SUN2: variants seen among roughly 807,000 people sequenced by gnomAD.
SUN2 encodes the protein Sad1 and UNC84 domain containing 2.
SUN2 carries 60 observed loss-of-function variants against 100.0 expected under a neutral mutation model. That is an observed-to-expected ratio of 0.60 (90% CI 0.49 to 0.74). The LOEUF is 0.74. Ranked by LOEUF, SUN2 falls within the 30% of genes least tolerant of loss-of-function variation. SUN2 has a pLI of 0.00. For missense variants in SUN2, 834 were observed against 954.6 expected (o/e 0.87, Z 1.66); for synonymous variants, 367 against 403.3 (o/e 0.91, Z 1.08).
At chr22:38,750,500 G>A in intron 4 of SUN2, 180 bp from the exon 5 acceptor site, 1 of 1,351,740 alleles carries the variant, frequency 7.4e-7, no homozygotes, top group Non-Finnish European at 1.0e-6. Flanking sequence ...TCTTCTGACA[G>A]CTTCCTGTTT....
chr22:38,736,372 C>T lies in SUN2; in HGVS notation c.2049G>A (p.Thr683=), dbSNP rs762525284. 1.3e-5 allele frequency: 21 copies of T among 1,613,206 alleles called. No individual in the cohort carries two copies. Among genetic ancestry groups the T allele is most frequent in the Middle Eastern group, 1.7e-4 (1 of 6,052 alleles). The change falls in exon 18 of 18, where the codon ACG becomes ACA. Residue 683 remains threonine, a synonymous_variant. Coordinates refer to ENST00000689035, the MANE Select transcript of SUN2 (RefSeq NM_015374.3). ...GCTCCACCACCTGGTACGTGGCCAT[C>T]GTAGGGGCCTGGGTAGAGAAGAAAG... ...PIQTFHFQAP[T]MATYQVVELR...
intron 1 of SUN2, chr22:38,754,538 G>T (rs2072794): frequency 0.29 from 281,792 of 984,182 alleles, 42,382 homozygotes; most frequent in East Asian, 0.46. Flanking sequence ...GGGACCGATT[G>T]GTAGTAGGAA....
chr22:38,739,827 C>T lies in SUN2; in HGVS notation c.1473G>A (p.Lys491=). ...MQAQLRELES[K]ILTHVAEMQG... ...GCATCTCTGCCACATGGGTGAGGAT[C>T]TTGCTCTCCAGCTCTCGCAGCTGAG... Residue 491 remains lysine (K), a synonymous_variant, in exon 13 of 18, where the codon AAG becomes AAA. Coordinates refer to ENST00000689035, the MANE Select transcript of SUN2 (RefSeq NM_015374.3). The surrounding 1 kb of genome is among the most constrained non-coding windows in gnomAD (Gnocchi z 6.7). The T allele has an allele frequency of 6.2e-7, 1 of 1,613,644 alleles. No homozygotes were observed.
intron 4 of SUN2, 104 bp from the exon 5 acceptor site, chr22:38,750,424 C>A: frequency 6.5e-7 from 1 of 1,544,930 alleles, no homozygotes; most frequent in Non-Finnish European, 8.8e-7. Flanking sequence ...TCCTTCACAT[C>A]CCCACAGCCC....
chr22:38,742,386 G>T lies in SUN2; in HGVS notation c.983C>A (p.Thr328Asn). The change falls in exon 9 of 18, where the codon ACC becomes AAC. Residue 328 changes from threonine (T) to asparagine (N), a missense_variant. By Grantham distance (65) the Thr-to-Asn change is moderately conservative. Coordinates refer to ENST00000689035, the MANE Select transcript of SUN2 (RefSeq NM_015374.3). ...CACTAGCCCCTCCAGCAGCGCCAGGGTGTCCTCGTGGCTCAGGCCACCACC... is the reference window on the plus strand; with the variant it reads ...CACTAGCCCCTCCAGCAGCGCCAGGTTGTCCTCGTGGCTCAGGCCACCACC... The part of the protein sequence containing the change: ...GGGGGLSHED[T>N]LALLEGLVSR... The T allele has an allele frequency of 6.2e-7, 1 of 1,613,320 alleles. No individual in the cohort carries two copies. Among genetic ancestry groups the T allele is most frequent in the Non-Finnish European group, 8.5e-7 (1 of 1,179,962 alleles).
At position 38,755,739 on chromosome 22, in the gene SUN2, T is replaced by C; in HGVS notation, c.-38+24A>G. The C allele has an allele frequency of 1.0e-6, 1 of 984,468 alleles. No homozygotes were observed. The allele number at this position is 984,468 out of a possible 1,614,324, so 61.0% of individuals were successfully genotyped here. ...AGGCCGGGCCGCGGCCCCCCAACCC[T>C]CTCCTGAGCTCGCCCGCACTCACCT... On this transcript the variant is annotated intron_variant, in intron 1 of 17. Coordinates refer to ENST00000689035, the MANE Select transcript of SUN2 (RefSeq NM_015374.3). This position sits in a 1 kb window ranked among gnomAD's most constrained non-coding sequence, Gnocchi z 5.7.
In SUN2 at chr22:38,753,685, G is replaced by A. The variant is rs76829144; in HGVS notation, c.-37-1020C>T. 9.5e-3 allele frequency among the ~76,000 whole-genome samples: 1,445 copies of A among 152,150 alleles called. 26 individuals are homozygous for A. The highest frequency in any genetic ancestry group is 0.034 in the African/African-American group (1,406 of 41,468). ...AAAATGGTAAGTGTCTGCTGGGACC[G>A]GGCTCCTTGTATACCTCATTTATAT... On this transcript the variant is annotated intron_variant, in intron 1 of 17. Coordinates refer to ENST00000689035, the MANE Select transcript of SUN2 (RefSeq NM_015374.3).
rs751880061 is a variant in SUN2, at chr22:38,739,906, A to T, written c.1394T>A (p.Leu465His). 3.2e-5 allele frequency: 52 copies of T among 1,612,710 alleles called. No individual in the cohort carries two copies. The highest frequency in any genetic ancestry group is 3.3e-4 in the Middle Eastern group (2 of 6,084). The change falls in exon 13 of 18, where the codon CTT (leucine) becomes CAT (histidine). Residue 465 changes from leucine to histidine, a missense_variant. This residue lies in a region of SUN2 where 195 missense variants were observed against 280.2 expected (regional missense o/e 0.70). Coordinates refer to ENST00000689035, the MANE Select transcript of SUN2 (RefSeq NM_015374.3). The surrounding 1 kb of genome is among the most constrained non-coding windows in gnomAD (Gnocchi z 6.7). ...SQFPAWISQF[L>H]ARGGGGRVGL... is the part of the protein sequence containing the mutation. ...CACGCGGCCCCCTCCACCTCGGGCA[A>T]GGAACTGACTGATCCAGGCCGGGAA...
Position 38,742,489 on chromosome 22 carries a change from A to G in SUN2, c.880T>C (p.Phe294Leu). 6.2e-7 allele frequency: 1 copy of G among 1,613,530 alleles called. No homozygotes were observed. Among genetic ancestry groups the G allele is most frequent in the Non-Finnish European group, 8.5e-7 (1 of 1,180,016 alleles). ...ERRLEALAAE[F>L]SSNWQKEAMR... The stretch of plus-strand genomic sequence containing the variant: ...GCCTCCTTCTGCCAGTTGGAGGAAA[A>G]TTCAGCAGCAAGAGCTTCCAGACGC... Residue 294 changes from phenylalanine to leucine, a missense_variant, in exon 9 of 18, where the codon TTT (phenylalanine) becomes CTT (leucine). Phe to Leu is a conservative substitution (Grantham distance 22). Around this residue, in one of 3 missense-constraint regions of SUN2, gnomAD observed 559 missense variants for 597.7 expected, o/e 0.94. Transcript: ENST00000689035.
At chr22:38,751,754 TG>T (rs1481779731) in intron 2 of SUN2, among the ~76,000 whole-genome samples, 4 of 152,218 alleles carry the variant, frequency 2.6e-5, no homozygotes, top group Non-Finnish European at 4.4e-5. Flanking sequence ...CATTTCCCAG[TG>T]GCCTGAGGAC....
At chr22:38,753,732 C>T (rs2092965571) in intron 1 of SUN2, among the ~76,000 whole-genome samples, 1 of 152,102 alleles carries the variant, frequency 6.6e-6, no homozygotes. Flanking sequence ...AGGTAGGTAT[C>T]ATTACTCCCA....
At position 38,735,249 on chromosome 22, in the gene SUN2, G is replaced by A. The variant is rs1005326518; in HGVS notation, c.*1018C>T. On this transcript the variant is annotated 3_prime_UTR_variant, in exon 18 of 18. Transcript: ENST00000689035. ...GAACAAACCAGAAGGGCGACTACCT[G>A]AACAAGAGCTGCAAGAGCCCAAGGG... 57 of 455,630 alleles carry A rather than the reference G, an allele frequency of 1.3e-4. 1 individual carries two copies. Among genetic ancestry groups the A allele is most frequent in the Admixed American group, 5.7e-4 (24 of 42,472 alleles). 28.2% of individuals were successfully genotyped at this position (455,630 alleles called of 1,614,324 possible). A position where few individuals can be genotyped will look rare whatever the true frequency, so the allele number is the denominator to read the frequency against.
At chr22:38,750,345 C>T (rs1452317582) in intron 4 of SUN2, 25 bp from the exon 5 acceptor site, 1 of 1,613,190 alleles carries the variant, frequency 6.2e-7, no homozygotes, top group Admixed American at 1.7e-5. Flanking sequence ...GACACTGGCT[C>T]AGTCTCTGTC....
Position 38,745,053 on chromosome 22 carries a change from G to A in SUN2, c.813+631C>T, listed in dbSNP as rs921850518. On this transcript the variant is annotated intron_variant, in intron 8 of 17. Coordinates refer to ENST00000689035, the MANE Select transcript of SUN2 (RefSeq NM_015374.3). The stretch of plus-strand genomic sequence containing the variant: ...TCTGGATTTGGCTCTGAGATTTGCG[G>A]TAGCCAACAGAATGTGGCGGGAGTG... 6.2e-5 allele frequency: 29 copies of A among 471,182 alleles called. No homozygotes were observed. The East Asian group carries it at 1.9e-3, about 32-fold the overall frequency. 29.2% of individuals were successfully genotyped at this position (471,182 alleles called of 1,614,324 possible).
chr22:38,744,820 G>A (rs1217590450), intron 8 of SUN2, among the ~76,000 whole-genome samples: 1 of 152,170 alleles, frequency 6.6e-6, no homozygotes, highest in East Asian at 1.9e-4. Flanking sequence ...GGTTTAAATT[G>A]TCAGTATCAG....
rs1185172521 is a variant in SUN2, at chr22:38,755,987, C to A, written c.-262G>T. On this transcript the variant is annotated 5_prime_UTR_variant, in exon 1 of 18. Coordinates refer to ENST00000689035, the MANE Select transcript of SUN2 (RefSeq NM_015374.3). This position sits in a 1 kb window ranked among gnomAD's most constrained non-coding sequence, Gnocchi z 5.7. ...CCCGCGCTGCGCGAGTGGGGCCGGG[C>A]GGCGCGCGTGTGGCCGACTCTGTAT... 3 of 984,276 alleles carry A rather than the reference C, an allele frequency of 3.0e-6. No individual in the cohort carries two copies. Among genetic ancestry groups the A allele is most frequent in the Non-Finnish European group, 2.4e-6 (2 of 829,566 alleles). 61.0% of individuals were successfully genotyped at this position (984,276 alleles called of 1,614,324 possible).
chr22:38,741,899 G>C (rs2092861197), intron 9 of SUN2, among the ~76,000 whole-genome samples: 1 of 152,246 alleles, frequency 6.6e-6, no homozygotes, highest in Non-Finnish European at 1.5e-5. Context: ...CCAGGACTTT[G>C]GGAGGCCAAG....
At chr22:38,745,853 G>C (rs755991994) in intron 7 of SUN2, 42 bp from the exon 8 acceptor site, 2 of 1,604,132 alleles carry the variant, frequency 1.2e-6, no homozygotes, top group Non-Finnish European at 1.7e-6. Flanking sequence ...TGGGCCTCCA[G>C]CAAGAGGCGC....
chr22:38,742,479 T>C lies in SUN2; in HGVS notation c.890A>G (p.Asn297Ser). 1 of 1,613,434 alleles carries C rather than the reference T, an allele frequency of 6.2e-7. No homozygotes were observed. The highest frequency in any genetic ancestry group is 8.5e-7 in the Non-Finnish European group (1 of 1,179,986). ...LEALAAEFSS[N>S]WQKEAMRLER... ...CAGCCGCATGGCCTCCTTCTGCCAG[T>C]TGGAGGAAAATTCAGCAGCAAGAGC... The change falls in exon 9 of 18, where the codon AAC becomes AGC. Residue 297 changes from asparagine (N) to serine (S), a missense_variant. Asn to Ser is a conservative substitution (Grantham distance 46). Around this residue, in one of 3 missense-constraint regions of SUN2, gnomAD observed 559 missense variants for 597.7 expected, o/e 0.94. Transcript: ENST00000689035.
Sources: allele counts gnomAD v4.1 joint callset (sites outside exome capture counted in the v4.1 genomes callset), GRCh38; gene constraint gnomAD v4.1.1; regional missense constraint gnomAD v4.1.1; non-coding constraint Gnocchi (gnomAD v3.1); transcripts MANE v1.5; gene names NCBI Gene and HGNC (gene_info 2026-07-23, HGNC 2026-07-21).